Variants in FMN1 observed in about 807,000 individuals in gnomAD.
The protein encoded by FMN1 is formin-1.
Under a neutral mutation model 132.4 loss-of-function variants are expected in FMN1, and 110 were observed. The ratio of observed to expected loss-of-function variants is 0.83; its 90% CI spans 0.71 to 0.97. FMN1 has a LOEUF of 0.97. FMN1 is among the 50% of genes least tolerant of loss of function. The probability of loss-of-function intolerance (pLI) is 0.00; values close to 1 mark genes in which losing one functional copy is unlikely to be tolerated. For missense variants in FMN1, 1,792 were observed against 1,705.3 expected (o/e 1.05, Z -0.90); for synonymous variants, 722 against 651.7 (o/e 1.11, Z -1.64).
At chr15:32,947,304 T>A (rs1464972632) in intron 9 of FMN1, among the ~76,000 whole-genome samples, 1 of 152,110 alleles carries the variant, frequency 6.6e-6, no homozygotes, top group East Asian at 1.9e-4. Context: ...ATACCACATT[T>A]GTCATGTATT....
At chr15:33,024,713 T>G (rs2035586514) in intron 6 of FMN1, among the ~76,000 whole-genome samples, 1 of 152,196 alleles carries the variant, frequency 6.6e-6, no homozygotes, top group Admixed American at 6.5e-5. Context: ...GAAATTCTAC[T>G]CTAATGTTCA....
chr15:32,949,759 T>C (rs1383171396), intron 9 of FMN1, among the ~76,000 whole-genome samples: 3 of 149,950 alleles, frequency 2.0e-5, no homozygotes, highest in African/African-American at 7.4e-5. Context: ...ATCAACAGAG[T>C]GAACAGACAA....
chr15:33,135,883 T>A (rs1963744643), intron 4 of FMN1, among the ~76,000 whole-genome samples: 1 of 152,234 alleles, frequency 6.6e-6, no homozygotes, highest in Non-Finnish European at 1.5e-5. Flanking sequence ...TGGCTGATTA[T>A]GTTTTGGTCT....
chr15:32,883,509 CAAAAAAAAAAAAAAAAAAAA>C (rs60737133), intron 16 of FMN1, among the ~76,000 whole-genome samples: 3 of 25,910 alleles, frequency 1.2e-4, no homozygotes, highest in Non-Finnish European at 2.2e-4. Context: ...GAACCTATCT[CAAAAAAAAAAAAAAAAAAAA>C]AAAAAAAAAA....
At chr15:33,126,896 G>C (rs1595533650) in intron 4 of FMN1, among the ~76,000 whole-genome samples, 1 of 152,176 alleles carries the variant, frequency 6.6e-6, no homozygotes, top group African/African-American at 2.4e-5. Flanking sequence ...CTGTATAACT[G>C]CAAAGTGGGA....
At chr15:32,936,990 G>A (rs977598020) in intron 9 of FMN1, among the ~76,000 whole-genome samples, 2 of 152,084 alleles carry the variant, frequency 1.3e-5, no homozygotes, top group African/African-American at 4.8e-5. Context: ...ACTCCAAGTC[G>A]GGCAAGACAG....
At chr15:33,115,233 G>A (rs2039871843) in intron 4 of FMN1, among the ~76,000 whole-genome samples, 1 of 152,192 alleles carries the variant, frequency 6.6e-6, no homozygotes, top group Non-Finnish European at 1.5e-5. Context: ...GAGCAGAGTT[G>A]CCTAAGGCTG....
intron 5 of FMN1, 70 bp from the exon 6 acceptor site, chr15:33,065,144 C>T (rs551650639): frequency 7.0e-6 from 7 of 1,005,362 alleles, no homozygotes; most frequent in Non-Finnish European, 1.0e-5. Context: ...AAATGACATG[C>T]TAAACCTAAT....
chr15:33,123,821 GC>G (rs2140186530), intron 4 of FMN1, among the ~76,000 whole-genome samples: 1 of 152,294 alleles, frequency 6.6e-6, no homozygotes, highest in Admixed American at 6.5e-5. Flanking sequence ...AACTAAACTG[GC>G]TTAGGCAGAA....
At chr15:33,019,750 G>A (rs1290637849) in intron 6 of FMN1, among the ~76,000 whole-genome samples, 1 of 152,206 alleles carries the variant, frequency 6.6e-6, no homozygotes, top group Admixed American at 6.5e-5. Flanking sequence ...CCCGCGGCAG[G>A]GCCGGCAGGC....
At chr15:33,032,135 G>T (rs949351269) in intron 6 of FMN1, among the ~76,000 whole-genome samples, 7 of 152,188 alleles carry the variant, frequency 4.6e-5, no homozygotes, top group Non-Finnish European at 1.0e-4. Flanking sequence ...ATCCATGGAG[G>T]TTTTAACCAT....
At chr15:33,054,192 C>T (rs1001643421) in intron 6 of FMN1, among the ~76,000 whole-genome samples, 2 of 152,174 alleles carry the variant, frequency 1.3e-5, no homozygotes, top group Admixed American at 1.3e-4. Flanking sequence ...CATATTACTC[C>T]TATTTCTCAG....
intron 13 of FMN1, 117 bp downstream of exon 13, chr15:32,901,794 G>A: frequency 1.3e-6 from 1 of 756,886 alleles, no homozygotes; most frequent in Non-Finnish European, 1.9e-6. Flanking sequence ...TTTACACTTA[G>A]AAAAACATAC....
chr15:32,859,990 A>G (rs1017429282), intron 16 of FMN1, among the ~76,000 whole-genome samples: 3 of 152,016 alleles, frequency 2.0e-5, no homozygotes, highest in Admixed American at 6.6e-5. Flanking sequence ...GTGTCATACC[A>G]TTGTACTCTG....
intron 9 of FMN1, among the ~76,000 whole-genome samples, chr15:32,958,080 C>T (rs2030032240): frequency 6.6e-6 from 1 of 152,140 alleles, no homozygotes; most frequent in African/African-American, 2.4e-5. Flanking sequence ...AAAACACCAG[C>T]TCCAAATCTA....
At chr15:33,119,307 G>GGACT (rs1207295838) in intron 4 of FMN1, among the ~76,000 whole-genome samples, 2 of 152,132 alleles carry the variant, frequency 1.3e-5, no homozygotes, top group Non-Finnish European at 2.9e-5. Context: ...GAACTGAAAT[G>GGACT]GACTGTCCAT....
In FMN1 at chr15:33,154,583, G is replaced by A. The variant is rs771096316; in HGVS notation, c.332C>T (p.Thr111Met). The A allele has an allele frequency of 4.8e-5, 73 of 1,535,972 alleles. No homozygotes were observed. Among genetic ancestry groups the A allele is most frequent in the Non-Finnish European group, 5.8e-5 (66 of 1,146,916 alleles). The stretch of plus-strand genomic sequence containing the variant: ...CAGCTTCCCCTCCTGGTTCCCCATC[G>A]TGATCCCCAGGATGTGGTCTGAGCT... ...LLSSDHILGITMGNQEGKLQE... is the reference protein window; with the variant it reads ...LLSSDHILGIMMGNQEGKLQE... The change falls in exon 4 of 21, where the codon ACG becomes ATG. Residue 111 changes from threonine to methionine, a missense_variant. Coordinates refer to ENST00000616417, the MANE Select transcript of FMN1 (RefSeq NM_001277313.2).
At chr15:32,796,969 C>T (rs1165560683) in intron 19 of FMN1, among the ~76,000 whole-genome samples, 1 of 152,052 alleles carries the variant, frequency 6.6e-6, no homozygotes, top group Non-Finnish European at 1.5e-5. Context: ...ATGAGAAGAA[C>T]CAAAAAGGGT....
chr15:32,775,663 A>G (rs186218949), intron 20 of FMN1, among the ~76,000 whole-genome samples: 3 of 152,344 alleles, frequency 2.0e-5, no homozygotes, highest in East Asian at 3.9e-4. Flanking sequence ...TCCCCGACCA[A>G]AAAGTATAGC....
Sources: gnomAD v4.1 joint callset for allele counts (sites outside exome capture counted in the v4.1 genomes callset) on GRCh38, gnomAD v4.1.1 for gene constraint, MANE v1.5 for transcripts, NCBI Gene and HGNC (gene_info 2026-07-23, HGNC 2026-07-21) for gene names.